Variants in ZMYND8 observed in about 807,000 individuals in gnomAD.
The protein encoded by ZMYND8 is MYND-type zinc finger-containing chromatin reader ZMYND8.
ZMYND8 carries 37 observed loss-of-function variants against 140.8 expected under a neutral mutation model. The observed-to-expected ratio is 0.26, with a 90% CI of 0.20 to 0.35. The LOEUF (loss-of-function observed/expected upper bound fraction) is 0.35. Among genes scored for constraint, ZMYND8 ranks in the 10% least tolerant of loss-of-function variants. ZMYND8 has a pLI of 1.00. For synonymous variants in ZMYND8, 592 were observed against 597.1 expected, an observed-to-expected ratio of 0.99 and a Z score of 0.12; for missense variants, 1,068 against 1,570.0, an observed-to-expected ratio of 0.68 and a Z score of 5.40.
In ZMYND8 at chr20:47,213,970, T is replaced by TC. The variant is rs1186449340; in HGVS notation, c.3485-1246dup. On this transcript the variant is annotated intron_variant, in intron 21 of 22. Coordinates refer to ENST00000471951, the MANE Select transcript of ZMYND8 (RefSeq NM_001281775.3). ...TTCTCTGCAACTCTATGCATATAGC[T>TC]CTAACTAAAAGCTTAAAACGAAAAG... Among the ~76,000 whole-genome samples, 5 of 152,286 alleles carry TC rather than the reference T, an allele frequency of 3.3e-5. No individual in the cohort carries two copies. In the East Asian group the frequency reaches 7.7e-4, roughly 23 times the overall value.
At chr20:47,243,340 T>C (rs1002161202) in intron 14 of ZMYND8, among the ~76,000 whole-genome samples, 8 of 152,348 alleles carry the variant, frequency 5.3e-5, no homozygotes, top group African/African-American at 1.7e-4. Flanking sequence ...TTAAGATCAA[T>C]TGGTTTTGCC....
At chr20:47,327,074 C>A (rs922006544) in intron 2 of ZMYND8, among the ~76,000 whole-genome samples, 1 of 152,112 alleles carries the variant, frequency 6.6e-6, no homozygotes. Context: ...GCACTACTTA[C>A]AGCTGATGCG....
At chr20:47,285,620 G>A in intron 8 of ZMYND8, 1 of 931,552 alleles carries the variant, frequency 1.1e-6, no homozygotes, top group Non-Finnish European at 1.3e-6. Context: ...CATCTGACAT[G>A]TTCACAGCCT....
chr20:47,262,323 G>T lies in ZMYND8; in HGVS notation c.1586C>A (p.Thr529Asn). The T allele has an allele frequency of 6.2e-7, 1 of 1,614,060 alleles. No homozygotes were observed. Among genetic ancestry groups the T allele is most frequent in the Non-Finnish European group, 8.5e-7 (1 of 1,180,022 alleles). ...ATTCAGGATGCTGCCGGTGGTGGAG[G>T]TTTTGTCCGTTTTCGTCGTGATAGG... ...SAPITTKTDK[T>N]STTGSILNLN... is the part of the protein sequence containing the mutation. The change falls in exon 12 of 23, where the codon ACC (threonine) becomes AAC (asparagine). Residue 529 changes from threonine to asparagine, a missense_variant. Physicochemically the swap from Thr to Asn is moderately conservative, Grantham distance 65. Around this residue, in one of 10 missense-constraint regions of ZMYND8, gnomAD observed 173 missense variants for 223.3 expected, o/e 0.77. Coordinates refer to ENST00000471951, the MANE Select transcript of ZMYND8 (RefSeq NM_001281775.3).
chr20:47,292,523 T>A (rs185878918), intron 5 of ZMYND8, among the ~76,000 whole-genome samples: 1 of 152,182 alleles, frequency 6.6e-6, no homozygotes, highest in Non-Finnish European at 1.5e-5. Flanking sequence ...AGGTTCTCAA[T>A]TGAAGGATAT....
intron 2 of ZMYND8, among the ~76,000 whole-genome samples, chr20:47,342,343 G>A (rs542207858): frequency 1.3e-4 from 19 of 150,952 alleles, no homozygotes; most frequent in African/African-American, 4.1e-4. Context: ...TCAAGAGTTC[G>A]AGACTAGCCT....
chr20:47,212,642 A>T lies in ZMYND8; in HGVS notation c.3568T>A (p.Tyr1190Asn), dbSNP rs1011831406. 1.9e-6 allele frequency: 3 copies of T among 1,613,844 alleles called. No homozygotes were observed. The highest frequency in any genetic ancestry group is 2.2e-5 in the East Asian group (1 of 44,868). The change falls in exon 22 of 23, where the codon TAC becomes AAC. Residue 1190 changes from tyrosine (Y) to asparagine (N), a missense_variant and splice_region_variant. Physicochemically the swap from Tyr to Asn is moderately radical, Grantham distance 143. Coordinates refer to ENST00000471951, the MANE Select transcript of ZMYND8 (RefSeq NM_001281775.3). Reference protein sequence around the residue: ...QPHPNYPAQKYHSRSNKSSWS... With the variant: ...QPHPNYPAQKNHSRSNKSSWS... Reference sequence around the variant, plus strand: ...TTTCGTAAGACAGGTTCATACTTACACTTCTGGGCGGGGTAGTTGGGGTGC... The same window carrying T: ...TTTCGTAAGACAGGTTCATACTTACTCTTCTGGGCGGGGTAGTTGGGGTGC...
At chr20:47,262,848 C>G (rs1187602952) in intron 11 of ZMYND8, among the ~76,000 whole-genome samples, 8 of 152,180 alleles carry the variant, frequency 5.3e-5, no homozygotes, top group Non-Finnish European at 1.2e-4. Flanking sequence ...GACACCACGG[C>G]CAGCTCACAC....
chr20:47,308,392 G>A (rs973265821), intron 3 of ZMYND8, among the ~76,000 whole-genome samples: 1 of 151,810 alleles, frequency 6.6e-6, no homozygotes, highest in African/African-American at 2.4e-5. Flanking sequence ...CTAATTTTTT[G>A]TATTTTTAGT....
chr20:47,212,826 T>C lies in ZMYND8; in HGVS notation c.3485-101A>G, dbSNP rs2035483010. 4 of 1,021,500 alleles carry C rather than the reference T, an allele frequency of 3.9e-6. No homozygotes were observed. In the East Asian group the frequency reaches 7.6e-5, roughly 20 times the overall value. 63.3% of individuals were successfully genotyped at this position (1,021,500 alleles called of 1,614,324 possible). On this transcript the variant is annotated intron_variant, in intron 21 of 22. Transcript: ENST00000471951. ...TTTGTTCATCAACAGGCTACTGTTA[T>C]TAGAACCAGTTGGCACCTTCATTCA...
intron 2 of ZMYND8, among the ~76,000 whole-genome samples, chr20:47,337,316 G>A (rs1163178964): frequency 6.6e-6 from 1 of 152,052 alleles, no homozygotes; most frequent in Non-Finnish European, 1.5e-5. Context: ...AGGCACTCCA[G>A]CCTGGGTGAT....
In ZMYND8 at chr20:47,236,499, TCTC is replaced by T. The variant is rs2039254732; in HGVS notation, c.2680_2682del (p.Glu894del). On this transcript the variant is annotated inframe_deletion, in exon 16 of 23. Coordinates refer to ENST00000471951, the MANE Select transcript of ZMYND8 (RefSeq NM_001281775.3). Reference sequence around the variant, plus strand: ...GTGGACGTGGATGGGCTCTGTGTGATCTCCTTCTGCTGGACAGCTAGGAAGGCA... The same window carrying T: ...GTGGACGTGGATGGGCTCTGTGTGATCTTCTGCTGGACAGCTAGGAAGGCA... 6.3e-7 allele frequency: 1 copy of T among 1,586,068 alleles called. No individual in the cohort carries two copies. The highest frequency in any genetic ancestry group is 8.6e-7 in the Non-Finnish European group (1 of 1,165,518).
intron 2 of ZMYND8, among the ~76,000 whole-genome samples, chr20:47,328,421 T>TGAAA (rs201431265): frequency 0.016 from 2,383 of 152,258 alleles, 68 homozygotes; most frequent in African/African-American, 0.054. Context: ...TTTTATCATT[T>TGAAA]GAAAGGAAAA....
intron 13 of ZMYND8, 27 bp downstream of exon 13, chr20:47,249,260 A>G (rs771922707): frequency 1.4e-5 from 21 of 1,517,436 alleles, no homozygotes; most frequent in African/African-American, 2.8e-5. Context: ...ATACTGCTGG[A>G]AAAAAAAAAC....
Position 47,220,348 on chromosome 20 carries a change from T to G in ZMYND8, c.3418-24A>C, listed in dbSNP as rs761923024. 4 of 1,543,936 alleles carry G rather than the reference T, an allele frequency of 2.6e-6. No individual in the cohort carries two copies. In the South Asian group the frequency reaches 3.6e-5, roughly 14 times the overall value. ...GTCTAGAAATACAAAAAGAAAAAGATGGACTCAAGGCACTGAGGCTACTGT... is the reference window on the plus strand; with the variant it reads ...GTCTAGAAATACAAAAAGAAAAAGAGGGACTCAAGGCACTGAGGCTACTGT... On this transcript the variant is annotated intron_variant, in intron 20 of 22. Coordinates refer to ENST00000471951, the MANE Select transcript of ZMYND8 (RefSeq NM_001281775.3).
intron 2 of ZMYND8, among the ~76,000 whole-genome samples, chr20:47,315,116 A>C (rs1206793661): frequency 6.6e-6 from 1 of 152,206 alleles, no homozygotes; most frequent in Non-Finnish European, 1.5e-5. Context: ...AAAGTGGGAA[A>C]AAAAATCACT....
intron 17 of ZMYND8, 139 bp downstream of exon 17, chr20:47,229,587 A>C (rs1011055221): frequency 2.7e-6 from 2 of 728,038 alleles, no homozygotes; most frequent in Non-Finnish European, 4.6e-6. Flanking sequence ...CCCCATCGAT[A>C]ATGACAATCA....
chr20:47,350,658 G>A (rs959669562), intron 1 of ZMYND8, among the ~76,000 whole-genome samples: 4 of 152,094 alleles, frequency 2.6e-5, no homozygotes, highest in Non-Finnish European at 5.9e-5. Flanking sequence ...AAAAAGAAAA[G>A]GCAGCTGCAT....
chr20:47,329,158 T>C (rs909928572), intron 2 of ZMYND8, among the ~76,000 whole-genome samples: 4 of 152,204 alleles, frequency 2.6e-5, no homozygotes, highest in South Asian at 2.1e-4. Flanking sequence ...GCATGGAACA[T>C]GTTCAGTGCT....
Sources: gnomAD v4.1 joint callset for allele counts (sites outside exome capture counted in the v4.1 genomes callset) on GRCh38, gnomAD v4.1.1 for gene constraint, gnomAD v4.1.1 regional missense constraint, MANE v1.5 for transcripts, NCBI Gene and HGNC (gene_info 2026-07-23, HGNC 2026-07-21) for gene names.